CD58: variants seen among roughly 807,000 people sequenced by gnomAD.
CD58 encodes lymphocyte function-associated antigen 3.
Under a neutral mutation model 27.6 loss-of-function variants are expected in CD58, and 14 were observed. The observed-to-expected ratio is 0.51, with a 90% CI of 0.34 to 0.79. The LOEUF is 0.79. Among genes scored for constraint, CD58 ranks in the 30% least tolerant of loss-of-function variants. CD58 has a pLI of 0.02. For missense variants in CD58, 268 were observed against 301.7 expected (o/e 0.89, Z 0.83); for synonymous variants, 117 against 103.8 (o/e 1.13, Z -0.77).
At chr1:116,551,062 G>A (rs933207308) in intron 1 of CD58, among the ~76,000 whole-genome samples, 88 of 152,186 alleles carry the variant, frequency 5.8e-4, no homozygotes, top group African/African-American at 1.9e-3. Context: ...CCATTTTATA[G>A]AGCACAAGCA....
intron 3 of CD58, among the ~76,000 whole-genome samples, chr1:116,529,740 A>C (rs1471904240): frequency 6.6e-6 from 1 of 152,226 alleles, no homozygotes; most frequent in East Asian, 1.9e-4. Flanking sequence ...AGTAAGTATT[A>C]GTTCATTCCC....
chr1:116,519,022 C>T lies in CD58; in HGVS notation c.743+209G>A. 2 of 1,198,372 alleles carry T rather than the reference C, an allele frequency of 1.7e-6. No homozygotes were observed. Among genetic ancestry groups the T allele is most frequent in the Non-Finnish European group, 2.3e-6 (2 of 888,524 alleles). 74.2% of individuals were successfully genotyped at this position (1,198,372 alleles called of 1,614,324 possible). On this transcript the variant is annotated intron_variant, in intron 5 of 5. Transcript: ENST00000369489. This position sits in a 1 kb window ranked among gnomAD's most constrained non-coding sequence, Gnocchi z 4.7. The stretch of plus-strand genomic sequence containing the variant: ...CCTGCAAGGCTCATTGAGAGGGTTC[C>T]AGGAAACGATATGCAGAGAGTGGCT...
At chr1:116,558,493 T>C (rs544706104) in intron 1 of CD58, among the ~76,000 whole-genome samples, 30 of 152,356 alleles carry the variant, frequency 2.0e-4, no homozygotes, top group African/African-American at 6.5e-4. Context: ...CACCCATATA[T>C]GCATTTATAG....
chr1:116,545,442 C>T (rs1383644909), intron 1 of CD58, among the ~76,000 whole-genome samples: 1 of 152,118 alleles, frequency 6.6e-6, no homozygotes, highest in African/African-American at 2.4e-5. Context: ...CAGACCAGAG[C>T]AGGGTGTTTG....
At chr1:116,569,598 CTTT>C (rs35150803) in intron 1 of CD58, among the ~76,000 whole-genome samples, 7 of 110,948 alleles carry the variant, frequency 6.3e-5, no homozygotes, top group African/African-American at 7.5e-5. Context: ...CACAGCTCAC[CTTT>C]TTTTTTTTTT....
chr1:116,537,031 G>GGA (rs1657835812), intron 2 of CD58, among the ~76,000 whole-genome samples: 1 of 152,212 alleles, frequency 6.6e-6, no homozygotes, highest in African/African-American at 2.4e-5. Flanking sequence ...TGAGGCAGGA[G>GGA]GATGGCTTGA....
In CD58 at chr1:116,536,218, T is replaced by C. The variant is rs367618006; in HGVS notation, c.375A>G (p.Pro125=). 48 of 1,606,164 alleles carry C rather than the reference T, an allele frequency of 3.0e-5. No individual in the cohort carries two copies. The highest frequency in any genetic ancestry group is 1.7e-4 in the Middle Eastern group (1 of 6,060). ...KFFLYVLESL[P]SPTLTCALTN... ...TCAATGCACAAGTTAGTGTGGGAGA[T>C]GGAAGAGACTCTGGAAAAAAAAGTA... The change falls in exon 3 of 6, where the codon CCA becomes CCG. Residue 125 remains proline (P), a synonymous_variant. Transcript: ENST00000369489. The surrounding 1 kb of genome is among the most constrained non-coding windows in gnomAD (Gnocchi z 5.4).
intron 3 of CD58, among the ~76,000 whole-genome samples, chr1:116,526,247 G>A (rs1349774404): frequency 6.6e-6 from 1 of 152,116 alleles, no homozygotes; most frequent in Non-Finnish European, 1.5e-5. Context: ...TGTCTTTGGT[G>A]TTGTATCTAA....
chr1:116,540,015 G>T (rs1485828318), intron 2 of CD58, among the ~76,000 whole-genome samples: 1 of 152,134 alleles, frequency 6.6e-6, no homozygotes, highest in Non-Finnish European at 1.5e-5. Flanking sequence ...TAAAGGTCAA[G>T]TATCAATCCA....
In CD58 at chr1:116,565,894, G is replaced by GTAT. The variant is rs1312927839; in HGVS notation, c.70+5008_70+5009insATA. Reference sequence around the variant, plus strand: ...TGCCACCATGCCCAGCTAATTTTTTGTTTTAGTAGAGACAGGGTTTCACTG... The same window carrying GTAT: ...TGCCACCATGCCCAGCTAATTTTTTGTATTTTTAGTAGAGACAGGGTTTCACTG... On this transcript the variant is annotated intron_variant, in intron 1 of 5. Transcript: ENST00000369489. Among the ~76,000 whole-genome samples the GTAT allele has an allele frequency of 8.6e-5, 13 of 151,806 alleles. 1 individual carries two copies. Among genetic ancestry groups the GTAT allele is most frequent in the Middle Eastern group, 6.8e-3 (2 of 292 alleles).
Position 116,536,081 on chromosome 1 carries a change from G to A in CD58, c.512C>T (p.Thr171Ile). 1 of 1,613,568 alleles carries A rather than the reference G, an allele frequency of 6.2e-7. No homozygotes were observed. Among genetic ancestry groups the A allele is most frequent in the Non-Finnish European group, 8.5e-7 (1 of 1,179,710 alleles). The change falls in exon 3 of 6, where the codon ACC becomes ATC. Residue 171 changes from threonine (T) to isoleucine (I), a missense_variant. Coordinates refer to ENST00000369489, the MANE Select transcript of CD58 (RefSeq NM_001779.3). This position sits in a 1 kb window ranked among gnomAD's most constrained non-coding sequence, Gnocchi z 5.4. ...ATTTTCCATCTTAAAATATATACTG[G>A]TTGAGTTACGTTTACATTGCTCCAT... is the stretch of plus-strand genomic sequence containing the variant. Reference protein sequence around the residue: ...CPMEQCKRNSTSIYFKMENDL... With the variant: ...CPMEQCKRNSISIYFKMENDL...
At chr1:116,556,492 C>T (rs968249217) in intron 1 of CD58, among the ~76,000 whole-genome samples, 2 of 152,072 alleles carry the variant, frequency 1.3e-5, no homozygotes, top group Non-Finnish European at 2.9e-5. Flanking sequence ...CAGGGTTTCT[C>T]AGGATACAAT....
intron 4 of CD58, among the ~76,000 whole-genome samples, chr1:116,520,145 G>C (rs1162418702): frequency 6.6e-6 from 1 of 152,080 alleles, no homozygotes; most frequent in African/African-American, 2.4e-5. Flanking sequence ...TTTGTTTTTT[G>C]AGACAGGGTC....
At chr1:116,544,795 G>A (rs973291357) in intron 1 of CD58, among the ~76,000 whole-genome samples, 191 bp from the exon 2 acceptor site, 6 of 152,182 alleles carry the variant, frequency 3.9e-5, no homozygotes, top group African/African-American at 1.2e-4. Context: ...AAATGGACCC[G>A]ACATTCATGG....
chr1:116,533,099 A>G (rs1657670533), intron 3 of CD58: 1 of 746,506 alleles, frequency 1.3e-6, no homozygotes, highest in Non-Finnish European at 2.5e-6. Context: ...GAAGTACAGC[A>G]CAGCCTGTGG....
At chr1:116,520,677 G>T (rs1657237773) in intron 4 of CD58, among the ~76,000 whole-genome samples, 1 of 152,054 alleles carries the variant, frequency 6.6e-6, no homozygotes, top group Non-Finnish European at 1.5e-5. Context: ...TTCAGGAGAT[G>T]ATTAACTATT....
chr1:116,566,475 C>A (rs901161099), intron 1 of CD58, among the ~76,000 whole-genome samples: 7 of 152,176 alleles, frequency 4.6e-5, no homozygotes, highest in Admixed American at 3.3e-4. Flanking sequence ...TACCTGTGGG[C>A]ACACTTTGCA....
chr1:116,551,049 G>A (rs923213191), intron 1 of CD58, among the ~76,000 whole-genome samples: 2 of 152,074 alleles, frequency 1.3e-5, no homozygotes, highest in Non-Finnish European at 2.9e-5. Flanking sequence ...CCAGCCTGTT[G>A]TTCCATTTTA....
At position 116,514,637 on chromosome 1, in the gene CD58, T is replaced by C. The variant is rs1459706943; in HGVS notation, c.*176A>G. ...AGCACCTAGTCATATAATAAGTTGA[T>C]GACAGCCAAAACTAATGCTTGTTCT... On this transcript the variant is annotated 3_prime_UTR_variant, in exon 6 of 6. Coordinates refer to ENST00000369489, the MANE Select transcript of CD58 (RefSeq NM_001779.3). The C allele has an allele frequency of 9.3e-6, 5 of 538,500 alleles. No individual in the cohort carries two copies. Among genetic ancestry groups the C allele is most frequent in the Non-Finnish European group, 1.7e-5 (5 of 297,384 alleles). 33.4% of individuals were successfully genotyped at this position (538,500 alleles called of 1,614,324 possible). A position where few individuals can be genotyped will look rare whatever the true frequency, so the allele number is the denominator to read the frequency against.
Sources: allele counts gnomAD v4.1 joint callset (sites outside exome capture counted in the v4.1 genomes callset), GRCh38; gene constraint gnomAD v4.1.1; non-coding constraint Gnocchi (gnomAD v3.1); transcripts MANE v1.5; gene names NCBI Gene and HGNC (gene_info 2026-07-23, HGNC 2026-07-21).